MICAL3: variants seen among roughly 807,000 people sequenced by gnomAD.
MICAL3 encodes the protein microtubule associated monooxygenase, calponin and LIM domain containing 3.
A neutral mutation model predicts 207.4 loss-of-function variants in MICAL3; 62 were observed. The ratio of observed to expected loss-of-function variants is 0.30; its 90% CI spans 0.24 to 0.37. MICAL3 has a LOEUF of 0.37. MICAL3 is among the 10% of genes least tolerant of loss of function. The pLI is 1.00. For synonymous variants in MICAL3, 1,077 were observed against 1,069.3 expected, an observed-to-expected ratio of 1.01 and a Z score of -0.14; for missense variants, 2,368 against 2,635.6, an observed-to-expected ratio of 0.90 and a Z score of 2.22.
intron 19 of MICAL3, among the ~76,000 whole-genome samples, chr22:17,859,462 G>T (rs1347626145): frequency 5.3e-5 from 8 of 152,246 alleles, no homozygotes; most frequent in Admixed American, 4.6e-4. Flanking sequence ...CAAAATGCGG[G>T]AACAGTGCCA....
chr22:17,830,203 C>T (rs917118151), intron 21 of MICAL3, among the ~76,000 whole-genome samples: 3 of 152,198 alleles, frequency 2.0e-5, no homozygotes, highest in East Asian at 3.9e-4. Flanking sequence ...AATCCCACAG[C>T]GCGATCAAGC....
chr22:17,975,800 T>C (rs1478809070), intron 1 of MICAL3, among the ~76,000 whole-genome samples: 1 of 151,814 alleles, frequency 6.6e-6, no homozygotes, highest in African/African-American at 2.4e-5. Context: ...TATTAAAGAG[T>C]GCTGCACTTT....
In MICAL3 at chr22:17,804,489, G is replaced by T. The variant is rs564990324; in HGVS notation, c.5650+4355C>A. ...ATTCAGTCGGCCTTCTTAACAACAG[G>T]AAACGAGCAGAGACTCATGCAGAGT... On this transcript the variant is annotated intron_variant, in intron 29 of 31. Transcript: ENST00000441493. 2.6e-5 allele frequency among the ~76,000 whole-genome samples: 4 copies of T among 152,330 alleles called. No homozygotes were observed. In the South Asian group the frequency reaches 8.3e-4, roughly 32 times the overall value.
At chr22:17,864,763 G>A (rs1569101739) in intron 19 of MICAL3, 136 bp downstream of exon 19, 1 of 1,613,972 alleles carries the variant, frequency 6.2e-7, no homozygotes, top group Non-Finnish European at 8.5e-7. Flanking sequence ...CATGAAAAAG[G>A]AGTCCAGAGG....
chr22:17,799,290 G>A (rs566774210), intron 29 of MICAL3, among the ~76,000 whole-genome samples: 1 of 152,278 alleles, frequency 6.6e-6, no homozygotes, highest in South Asian at 2.1e-4. Context: ...GCTGAGGCAG[G>A]AGAATTGCTT....
intron 3 of MICAL3, among the ~76,000 whole-genome samples, chr22:17,903,599 A>G (rs1931495098): frequency 1.3e-5 from 2 of 152,318 alleles, no homozygotes; most frequent in Middle Eastern, 3.4e-3. Context: ...TGTTCTCCCC[A>G]GTTTACCACA....
At chr22:17,977,450 G>A (rs1278756932) in intron 1 of MICAL3, among the ~76,000 whole-genome samples, 1 of 151,822 alleles carries the variant, frequency 6.6e-6, no homozygotes, top group Non-Finnish European at 1.5e-5. Flanking sequence ...GCACATGAAA[G>A]GATGCTCAAC....
rs1453980628 is a variant in MICAL3 at position 17,829,189 on chromosome 22, G to A, written c.3056-1408C>T. Among the ~76,000 whole-genome samples, 9 of 140,596 alleles carry A rather than the reference G, an allele frequency of 6.4e-5. No individual in the cohort carries two copies. The East Asian group carries it at 1.0e-3, about 16-fold the overall frequency. 92.2% of individuals were successfully genotyped at this position (140,596 alleles called of 152,430 possible). A position where few individuals can be genotyped will look rare whatever the true frequency, so the allele number is the denominator to read the frequency against. On this transcript the variant is annotated intron_variant, in intron 21 of 31. Transcript: ENST00000441493. ...CCTTTTTTTTTTTTTTTTTTGAGAC[G>A]AAGTGTCGCTCTTGTTGCCCAGGCT...
At chr22:17,973,302 G>A (rs1268398982) in intron 1 of MICAL3, among the ~76,000 whole-genome samples, 2 of 152,166 alleles carry the variant, frequency 1.3e-5, no homozygotes, top group Admixed American at 1.3e-4. Flanking sequence ...TAGTTCAAAG[G>A]ACATCAGAAA....
chr22:17,801,015 G>T (rs2061931610), intron 29 of MICAL3, among the ~76,000 whole-genome samples: 2 of 152,254 alleles, frequency 1.3e-5, no homozygotes, highest in Admixed American at 6.5e-5. Flanking sequence ...CAGAACCCGA[G>T]AAGTCTTGAA....
chr22:17,919,887 G>A (rs1407146917), intron 1 of MICAL3, among the ~76,000 whole-genome samples: 2 of 152,218 alleles, frequency 1.3e-5, no homozygotes, highest in Admixed American at 6.5e-5. Flanking sequence ...AAAGAAACTG[G>A]TTTCTAAAGA....
chr22:17,863,374 C>A, intron 19 of MICAL3: 1 of 985,386 alleles, frequency 1.0e-6, no homozygotes, highest in African/African-American at 1.7e-5. Flanking sequence ...CTCTCTCCAA[C>A]TGAATGTACA....
chr22:18,013,502 G>T (rs1218544854), intron 1 of MICAL3, among the ~76,000 whole-genome samples: 1 of 152,148 alleles, frequency 6.6e-6, no homozygotes, highest in African/African-American at 2.4e-5. Context: ...TGTCTGATGT[G>T]GGGTCATGAC....
chr22:17,960,310 G>A (rs1934845788), intron 1 of MICAL3, among the ~76,000 whole-genome samples: 1 of 152,220 alleles, frequency 6.6e-6, no homozygotes, highest in African/African-American at 2.4e-5. Context: ...GTAGGCCTCT[G>A]TGTACATGCG....
intron 18 of MICAL3, among the ~76,000 whole-genome samples, chr22:17,865,326 A>T (rs1263184878): frequency 2.0e-5 from 3 of 152,162 alleles, no homozygotes; most frequent in African/African-American, 7.2e-5. Flanking sequence ...AGGGGGACTG[A>T]CAGGCAGGCG....
intron 1 of MICAL3, among the ~76,000 whole-genome samples, chr22:17,953,563 AGGGGACATCAGGGCG>A: frequency 6.6e-6 from 1 of 152,114 alleles, no homozygotes; most frequent in Non-Finnish European, 1.5e-5. Flanking sequence ...TGGGGGCTAT[AGGGGACATCAGGGCG>A]GGGGACATCA....
chr22:17,857,430 G>T (rs149102945), intron 19 of MICAL3, among the ~76,000 whole-genome samples: 2 of 152,356 alleles, frequency 1.3e-5, no homozygotes, highest in Non-Finnish European at 2.9e-5. Context: ...ACCCCAGTCT[G>T]TGAAAAAACT....
chr22:17,997,344 A>G (rs1437141027), intron 1 of MICAL3, among the ~76,000 whole-genome samples: 1 of 152,160 alleles, frequency 6.6e-6, no homozygotes, highest in Non-Finnish European at 1.5e-5. Context: ...TATTACAGGC[A>G]TGAGCCACTG....
intron 19 of MICAL3, among the ~76,000 whole-genome samples, chr22:17,853,006 T>C (rs1202869829): frequency 6.7e-6 from 1 of 149,138 alleles, no homozygotes; most frequent in Non-Finnish European, 1.5e-5. Context: ...ACCTGGGAGA[T>C]GGAGGCTGCA....
Sources: gnomAD v4.1 joint callset for allele counts (sites outside exome capture counted in the v4.1 genomes callset) on GRCh38, gnomAD v4.1.1 for gene constraint, MANE v1.5 for transcripts, NCBI Gene and HGNC (gene_info 2026-07-23, HGNC 2026-07-21) for gene names.